Variants in LEF1 observed in about 807,000 individuals in gnomAD.
LEF1 encodes the protein lymphoid enhancer binding factor 1, also known as lymphoid enhancer-binding factor 1.
LEF1 carries 14 observed loss-of-function variants against 51.2 expected under a neutral mutation model. The ratio of observed to expected loss-of-function variants is 0.27; its 90% CI spans 0.18 to 0.43. LEF1 has a LOEUF of 0.43. Among genes scored for constraint, LEF1 ranks in the 20% least tolerant of loss-of-function variants. LEF1 has a pLI of 1.00. For synonymous variants in LEF1, 185 were observed against 183.2 expected (o/e 1.01, Z -0.08); for missense variants, 386 against 512.0 (o/e 0.75, Z 2.37).
chr4:108,077,470 G>A (rs1352655048), intron 8 of LEF1, among the ~76,000 whole-genome samples: 1 of 115,020 alleles, frequency 8.7e-6, no homozygotes, highest in East Asian at 3.1e-4. Flanking sequence ...GGGAAGTGAG[G>A]GGCGCCTCTG....
intron 11 of LEF1, among the ~76,000 whole-genome samples, chr4:108,062,883 A>G (rs1169252288): frequency 1.3e-5 from 2 of 152,192 alleles, no homozygotes; most frequent in Non-Finnish European, 2.9e-5. Flanking sequence ...CCAGGAGAAG[A>G]GGTACACACC....
intron 3 of LEF1, among the ~76,000 whole-genome samples, chr4:108,117,367 A>G (rs554887145): frequency 1.3e-5 from 2 of 152,328 alleles, no homozygotes; most frequent in South Asian, 4.1e-4. Context: ...CTATAGTGTA[A>G]TTTACCACTT....
chr4:108,113,635 C>T (rs1020308017), intron 3 of LEF1, among the ~76,000 whole-genome samples: 20 of 152,122 alleles, frequency 1.3e-4, no homozygotes, highest in African/African-American at 4.8e-4. Flanking sequence ...ATCTGCTCTT[C>T]GAAGAATTCA....
chr4:108,061,253 T>C (rs1578291780), intron 11 of LEF1, among the ~76,000 whole-genome samples: 1 of 152,182 alleles, frequency 6.6e-6, no homozygotes, highest in African/African-American at 2.4e-5. Flanking sequence ...ATTTTTGTTT[T>C]TCTTGCGCAG....
intron 3 of LEF1, among the ~76,000 whole-genome samples, chr4:108,099,500 GTA>G (rs752528954): frequency 1.5e-5 from 2 of 137,240 alleles, no homozygotes; most frequent in Non-Finnish European, 3.1e-5. Flanking sequence ...ACACATGTAT[GTA>G]TATATATATG....
chr4:108,083,966 T>C (rs1468275411), intron 4 of LEF1, among the ~76,000 whole-genome samples: 1 of 152,182 alleles, frequency 6.6e-6, no homozygotes, highest in Non-Finnish European at 1.5e-5. Context: ...AGCCCCATAA[T>C]GGTCACATTT....
intron 8 of LEF1, 148 bp from the exon 9 acceptor site, chr4:108,070,918 A>G (rs1364450909): frequency 1.6e-6 from 1 of 622,754 alleles, no homozygotes; most frequent in Non-Finnish European, 2.8e-6. Flanking sequence ...CAAGTGCCGT[A>G]GAAATCTCCT....
chr4:108,155,658 C>T (rs942663870), intron 3 of LEF1, among the ~76,000 whole-genome samples: 7 of 152,198 alleles, frequency 4.6e-5, no homozygotes, highest in Admixed American at 6.5e-5. Flanking sequence ...TAGAAAACAG[C>T]GCTTTTGCAG....
At chr4:108,052,844 C>T (rs930597656) in intron 11 of LEF1, among the ~76,000 whole-genome samples, 16 of 152,164 alleles carry the variant, frequency 1.1e-4, no homozygotes, top group African/African-American at 3.4e-4. Flanking sequence ...CTGTCCACTA[C>T]GCACTGATTT....
intron 8 of LEF1, among the ~76,000 whole-genome samples, chr4:108,073,839 T>C (rs1738664891): frequency 6.6e-6 from 1 of 150,562 alleles, no homozygotes; most frequent in African/African-American, 2.4e-5. Context: ...CCCCCTTTTT[T>C]TTTTGAGACA....
intron 3 of LEF1, among the ~76,000 whole-genome samples, chr4:108,125,347 G>C (rs1011481049): frequency 2.0e-5 from 3 of 152,084 alleles, no homozygotes; most frequent in Non-Finnish European, 4.4e-5. Flanking sequence ...ATTTTTAGTA[G>C]AGATGGGGTT....
At chr4:108,064,634 G>GTC (rs141681529) in intron 9 of LEF1, among the ~76,000 whole-genome samples, 3 of 144,312 alleles carry the variant, frequency 2.1e-5, no homozygotes, top group Non-Finnish European at 3.0e-5. Flanking sequence ...TAGACACTTT[G>GTC]TCTCTCTCTC....
At chr4:108,072,009 GCA>G (rs1224359162) in intron 8 of LEF1, 3 of 152,182 alleles carry the variant, frequency 2.0e-5, no homozygotes, top group African/African-American at 7.2e-5. Context: ...TCACCTGTGT[GCA>G]CACACAATCT....
rs1337041887 is a variant in LEF1, at chr4:108,149,534, A to G, written c.414+14034T>C. ...TTGTAGTGGTATTTAAAATAACAAC[A>G]AAAAAACTTTAACATCCATAACTGA... On this transcript the variant is annotated intron_variant, in intron 3 of 11. Transcript: ENST00000265165. Among the ~76,000 whole-genome samples the G allele has an allele frequency of 2.0e-5, 3 of 151,074 alleles. No individual in the cohort carries two copies. In the East Asian group the frequency reaches 5.8e-4, roughly 29 times the overall value.
intron 5 of LEF1, among the ~76,000 whole-genome samples, chr4:108,082,098 T>A (rs1739345127): frequency 6.6e-6 from 1 of 152,168 alleles, no homozygotes; most frequent in Non-Finnish European, 1.5e-5. Flanking sequence ...AAAATAAAAC[T>A]GTATATTCAT....
intron 9 of LEF1, among the ~76,000 whole-genome samples, chr4:108,069,702 A>C (rs1738323334): frequency 1.3e-5 from 2 of 152,186 alleles, no homozygotes; most frequent in African/African-American, 4.8e-5. Flanking sequence ...CATGCCTGTA[A>C]TCCCAGCACT....
intron 3 of LEF1, among the ~76,000 whole-genome samples, chr4:108,135,601 T>C (rs79024424): frequency 1.3e-5 from 2 of 152,176 alleles, no homozygotes; most frequent in Non-Finnish European, 2.9e-5. Flanking sequence ...CTGTGTCTGC[T>C]AGCCGGCAAG....
chr4:108,119,993 A>ATATGTGTG (rs1383372855), intron 3 of LEF1, among the ~76,000 whole-genome samples: 3 of 149,486 alleles, frequency 2.0e-5, no homozygotes, highest in African/African-American at 5.0e-5. Context: ...TATTTTATAT[A>ATATGTGTG]TGTGTGTGTG....
At chr4:108,113,435 C>A (rs1413949173) in intron 3 of LEF1, among the ~76,000 whole-genome samples, 50 of 152,098 alleles carry the variant, frequency 3.3e-4, no homozygotes, top group Non-Finnish European at 7.4e-5. Context: ...CAAACCCACA[C>A]ACAAAGAAAT....
Sources: allele counts gnomAD v4.1 joint callset (sites outside exome capture counted in the v4.1 genomes callset), GRCh38; gene constraint gnomAD v4.1.1; transcripts MANE v1.5; gene names NCBI Gene and HGNC (gene_info 2026-07-23, HGNC 2026-07-21).